The following ADGRV1 variants were observed in gnomAD, a reference collection of about 807,000 sequenced individuals.
ADGRV1 encodes G-protein coupled receptor 98.
In ADGRV1, 359 loss-of-function variants were observed where a neutral mutation model predicts 596.2. That is an observed-to-expected ratio of 0.60 (90% CI 0.55 to 0.66). ADGRV1 has a LOEUF of 0.66. Among genes scored for constraint, ADGRV1 ranks in the 30% least tolerant of loss-of-function variants. The pLI is 0.00. For synonymous variants in ADGRV1, 2,681 were observed against 2,679.2 expected, an observed-to-expected ratio of 1.00 and a Z score of -0.02; for missense variants, 7,274 against 7,575.6, an observed-to-expected ratio of 0.96 and a Z score of 1.48.
At chr5:90,778,668 T>C (rs896122644) in intron 63 of ADGRV1, 59 bp downstream of exon 63, 2 of 1,358,394 alleles carry the variant, frequency 1.5e-6, no homozygotes, top group Admixed American at 5.5e-5. Flanking sequence ...ATGAAAATGT[T>C]TTCTTGTTTC....
chr5:90,687,888 C>T (rs148882708), intron 29 of ADGRV1, among the ~76,000 whole-genome samples: 4 of 152,010 alleles, frequency 2.6e-5, no homozygotes, highest in East Asian at 1.9e-4. Flanking sequence ...CACTGCTCAA[C>T]GAAATAAAAG....
At chr5:90,561,447 A>C (rs1700510) in intron 1 of ADGRV1, among the ~76,000 whole-genome samples, 46,876 of 152,042 alleles carry the variant, frequency 0.31, 8,737 homozygotes, top group Non-Finnish European at 0.42. Context: ...CTTGGTTATT[A>C]ATTGTTTGAT....
chr5:90,733,675 A>T (rs1455940804), intron 50 of ADGRV1, among the ~76,000 whole-genome samples: 2 of 152,212 alleles, frequency 1.3e-5, no homozygotes, highest in Non-Finnish European at 2.9e-5. Context: ...TTTACAAGTT[A>T]TAATTATATT....
intron 1 of ADGRV1, among the ~76,000 whole-genome samples, chr5:90,597,003 A>G (rs1160394125): frequency 6.6e-6 from 1 of 152,212 alleles, no homozygotes; most frequent in Non-Finnish European, 1.5e-5. Flanking sequence ...TAAGAGAGAT[A>G]TGATCAACTC....
intron 83 of ADGRV1, among the ~76,000 whole-genome samples, chr5:90,959,246 A>C (rs1581632337): frequency 1.3e-5 from 2 of 152,162 alleles, no homozygotes; most frequent in South Asian, 4.1e-4. Flanking sequence ...AATTACAATA[A>C]TATCAAACAT....
intron 84 of ADGRV1, among the ~76,000 whole-genome samples, chr5:90,978,250 G>C (rs933658982): frequency 4.6e-5 from 7 of 151,972 alleles, no homozygotes; most frequent in South Asian, 2.1e-4. Context: ...AGCCGAGATC[G>C]CGCCACTACA....
intron 83 of ADGRV1, among the ~76,000 whole-genome samples, chr5:90,962,593 T>C (rs1298192587): frequency 3.3e-5 from 5 of 152,236 alleles, no homozygotes; most frequent in Non-Finnish European, 1.5e-5. Flanking sequence ...TAAATTAAGT[T>C]AATGAAATTT....
At position 90,638,038 on chromosome 5, in the gene ADGRV1, A is replaced by ATAAAGTAAAAAAAAAAG. The variant is rs1766457465; in HGVS notation, c.2240+92_2240+108dup. 4 of 917,838 alleles carry ATAAAGTAAAAAAAAAAG rather than the reference A, an allele frequency of 4.4e-6. No homozygotes were observed. In the African/African-American group the frequency reaches 6.8e-5, roughly 15 times the overall value. The allele number at this position is 917,838 out of a possible 1,614,324, so 56.9% of individuals were successfully genotyped here. On this transcript the variant is annotated intron_variant, in intron 11 of 89. Transcript: ENST00000405460. ...TTTTTTTTTACTCTTTTTTTTCTAT[A>ATAAAGTAAAAAAAAAAG]TAAAGTAAAAAAAAAAGTCAAGTAA...
At chr5:91,159,410 A>T (rs927040370) in intron 89 of ADGRV1, among the ~76,000 whole-genome samples, 14 of 152,252 alleles carry the variant, frequency 9.2e-5, no homozygotes, top group Non-Finnish European at 1.8e-4. Context: ...AGGCAAGTAT[A>T]TTAAAATTGT....
rs745437025 is a variant in ADGRV1, at chr5:91,072,616, A to G, written c.18310+12A>G. On this transcript the variant is annotated intron_variant, in intron 86 of 89. Transcript: ENST00000405460. ...GACAAATGCTGCAGGTTTGAAAGGA[A>G]CTATATTTGTACTTTGGAGATGGAA... 2.9e-5 allele frequency: 46 copies of G among 1,611,996 alleles called. No homozygotes were observed. The Middle Eastern group carries it at 1.5e-3, about 52-fold the overall frequency.
intron 52 of ADGRV1, among the ~76,000 whole-genome samples, chr5:90,748,824 T>TTTG (rs1754930217): frequency 6.7e-6 from 1 of 148,702 alleles, no homozygotes; most frequent in Non-Finnish European, 1.5e-5. Context: ...TTTTTTTTTG[T>TTTG]TTTTTTTTTA....
At chr5:90,609,767 A>G (rs544333953) in intron 1 of ADGRV1, among the ~76,000 whole-genome samples, 5 of 152,168 alleles carry the variant, frequency 3.3e-5, no homozygotes, top group Admixed American at 2.0e-4. Flanking sequence ...TTGCTATGGC[A>G]TTGACAAGGT....
chr5:90,974,661 A>G (rs1402679782), intron 84 of ADGRV1, among the ~76,000 whole-genome samples: 1 of 152,202 alleles, frequency 6.6e-6, no homozygotes, highest in Non-Finnish European at 1.5e-5. Flanking sequence ...AGAAAGCTGA[A>G]ACTGGATCCC....
rs138030012 is a variant in ADGRV1, at chr5:90,932,838, C to T, written c.17857-32577C>T. Among the ~76,000 whole-genome samples the T allele has an allele frequency of 8.9e-3, 1,345 of 151,850 alleles. 19 individuals carry two copies. The highest frequency in any genetic ancestry group is 0.031 in the African/African-American group (1,297 of 41,380). On this transcript the variant is annotated intron_variant, in intron 83 of 89. Transcript: ENST00000405460. ...TACATACACATAGTATACACACATA[C>T]ATATATGTATACATGTAAAAACACA...
In ADGRV1 at chr5:90,647,566, G is replaced by C; in HGVS notation, c.3091G>C (p.Asp1031His). ...NFTVLRNGSVDVTCMVQYATK... is the reference protein window; with the variant it reads ...NFTVLRNGSVHVTCMVQYATK... ...TACAGTTCTCAGAAATGGATCTGTT[G>C]ATGTGACTTGCATGGTCCAGTATGC... The change falls in exon 17 of 90, where the codon GAT becomes CAT. Residue 1031 changes from aspartate (D) to histidine (H), a missense_variant. Physicochemically the swap from Asp to His is moderately conservative, Grantham distance 81. Coordinates refer to ENST00000405460, the MANE Select transcript of ADGRV1 (RefSeq NM_032119.4). 1 of 1,613,878 alleles carries C rather than the reference G, an allele frequency of 6.2e-7. No individual in the cohort carries two copies. The highest frequency in any genetic ancestry group is 2.2e-5 in the East Asian group (1 of 44,874).
chr5:91,055,249 AAT>A (rs151160703), intron 85 of ADGRV1, among the ~76,000 whole-genome samples: 211 of 146,608 alleles, frequency 1.4e-3, no homozygotes, highest in Middle Eastern at 3.5e-3. Context: ...TGCTGTTGCA[AAT>A]ATATATATAT....
intron 42 of ADGRV1, among the ~76,000 whole-genome samples, chr5:90,714,610 G>C (rs1749836959): frequency 6.6e-6 from 1 of 151,672 alleles, no homozygotes. Context: ...CACATATCAG[G>C]AATTTATTCA....
intron 85 of ADGRV1, among the ~76,000 whole-genome samples, chr5:91,056,572 C>T (rs1349204458): frequency 6.6e-6 from 1 of 152,032 alleles, no homozygotes; most frequent in Non-Finnish European, 1.5e-5. Flanking sequence ...GCTTTTTCAC[C>T]TTTCCAATTT....
Position 90,840,563 on chromosome 5 carries a change from T to C in ADGRV1, c.16612-15T>C, listed in dbSNP as rs377206590. On this transcript the variant is annotated splice_polypyrimidine_tract_variant and intron_variant, in intron 77 of 89. Transcript: ENST00000405460. ...GTGTCATAGATTCACTTAAATGGTG[T>C]TGTTTAATTTCTAGGAGTTGAGGAG... 1 of 1,565,606 alleles carries C rather than the reference T, an allele frequency of 6.4e-7. No homozygotes were observed. The highest frequency in any genetic ancestry group is 2.3e-5 in the East Asian group (1 of 44,390).
Sources: allele counts gnomAD v4.1 joint callset (sites outside exome capture counted in the v4.1 genomes callset), GRCh38; gene constraint gnomAD v4.1.1; transcripts MANE v1.5; gene names NCBI Gene and HGNC (gene_info 2026-07-23, HGNC 2026-07-21).